Variants in RAD51B observed in about 807,000 individuals in gnomAD.
RAD51B encodes DNA repair protein RAD51 homolog 2.
RAD51B carries 38 observed loss-of-function variants against 42.2 expected under a neutral mutation model. That is an observed-to-expected ratio of 0.90 (90% CI 0.70 to 1.18). The LOEUF is 1.18. RAD51B is among the 50% of genes most tolerant of loss of function. The pLI, the probability that RAD51B is intolerant of heterozygous loss-of-function variation, is 0.00. For synonymous variants in RAD51B, 154 were observed against 145.2 expected (o/e 1.06, Z -0.43); for missense variants, 373 against 400.7 (o/e 0.93, Z 0.59).
rs976345017 is a variant in RAD51B at position 68,348,637 on chromosome 14, C to A, written c.853+56657C>A. Among the ~76,000 whole-genome samples, 4 of 152,316 alleles carry A rather than the reference C, an allele frequency of 2.6e-5. No homozygotes were observed. In the South Asian group the frequency reaches 8.3e-4, roughly 32 times the overall value. On this transcript the variant is annotated intron_variant, in intron 8 of 10. Transcript: ENST00000471583. Reference sequence around the variant, plus strand: ...TTGTCTCGCCTGGCGCGGTGGCTCACGCCTGTAATCCCAGCACTTTGGGAG... The same window carrying A: ...TTGTCTCGCCTGGCGCGGTGGCTCAAGCCTGTAATCCCAGCACTTTGGGAG...
At chr14:68,115,552 A>C (rs1345171087) in intron 7 of RAD51B, among the ~76,000 whole-genome samples, 1 of 151,190 alleles carries the variant, frequency 6.6e-6, no homozygotes, top group African/African-American at 2.4e-5. Context: ...TAAAAAAAAA[A>C]AAAAAAAAAG....
At chr14:67,860,860 G>T (rs888050324) in intron 4 of RAD51B, among the ~76,000 whole-genome samples, 1 of 152,186 alleles carries the variant, frequency 6.6e-6, no homozygotes, top group Non-Finnish European at 1.5e-5. Context: ...TGCAAAGAGA[G>T]TATTTCAGTA....
rs182076866 is a variant in RAD51B, at chr14:68,353,892, G to C, written c.854-57532G>C. 9.9e-5 allele frequency among the ~76,000 whole-genome samples: 15 copies of C among 152,284 alleles called. No individual in the cohort carries two copies. In the East Asian group the frequency reaches 2.7e-3, roughly 27 times the overall value. On this transcript the variant is annotated intron_variant, in intron 8 of 10. Coordinates refer to ENST00000471583, the MANE Select transcript of RAD51B (RefSeq NM_133510.4). Reference sequence around the variant, plus strand: ...ATTCTGAGCAGTTCAGGCCTTCCACGTGGTGGAACTGTGTGGGGTACCCTC... The same window carrying C: ...ATTCTGAGCAGTTCAGGCCTTCCACCTGGTGGAACTGTGTGGGGTACCCTC...
intron 10 of RAD51B, chr14:68,627,093 G>A (rs1892101528): frequency 6.6e-6 from 1 of 152,198 alleles, no homozygotes; most frequent in Non-Finnish European, 1.5e-5. Context: ...GAATGCGGAA[G>A]AGAGTGGAAA....
intron 7 of RAD51B, among the ~76,000 whole-genome samples, chr14:68,289,698 A>T: frequency 6.6e-6 from 1 of 151,518 alleles, no homozygotes. Context: ...TGGGCAACAG[A>T]GTGAGATCCT....
intron 10 of RAD51B, among the ~76,000 whole-genome samples, chr14:68,537,463 T>C (rs1023393648): frequency 5.3e-5 from 8 of 149,752 alleles, no homozygotes; most frequent in South Asian, 2.1e-4. Flanking sequence ...CGCGCCACTG[T>C]ACTCCAGCCT....
intron 9 of RAD51B, among the ~76,000 whole-genome samples, chr14:68,431,011 T>C (rs2084989905): frequency 6.6e-6 from 1 of 152,216 alleles, no homozygotes; most frequent in Non-Finnish European, 1.5e-5. Context: ...GATATAATCA[T>C]GTGGTTTTTG....
chr14:68,120,695 A>G (rs1253599499), intron 7 of RAD51B, among the ~76,000 whole-genome samples: 1 of 152,014 alleles, frequency 6.6e-6, no homozygotes, highest in Non-Finnish European at 1.5e-5. Flanking sequence ...GGAAGTCTCA[A>G]CTTTAAGTAA....
At chr14:68,149,948 C>CTT (rs879336611) in intron 7 of RAD51B, 28 of 145,912 alleles carry the variant, frequency 1.9e-4, no homozygotes, top group African/African-American at 6.7e-4. Context: ...AAGTTGAAGA[C>CTT]TTTTTTTTTT....
intron 9 of RAD51B, among the ~76,000 whole-genome samples, chr14:68,427,329 C>T (rs2140124570): frequency 6.6e-6 from 1 of 152,310 alleles, no homozygotes; most frequent in South Asian, 2.1e-4. Context: ...TGTGCAGCCC[C>T]AGCCTCGGAC....
In RAD51B at chr14:68,370,816, G is replaced by A. The variant is rs767461708; in HGVS notation, c.854-40608G>A. On this transcript the variant is annotated intron_variant, in intron 8 of 10. Coordinates refer to ENST00000471583, the MANE Select transcript of RAD51B (RefSeq NM_133510.4). ...TCCCAGCACTTTGGGAGGCTGAGGC[G>A]AGCAGATCACGAGGTCAGGAGTTCG... 2.0e-4 allele frequency among the ~76,000 whole-genome samples: 30 copies of A among 150,122 alleles called. No individual in the cohort carries two copies. In the Middle Eastern group the frequency reaches 0.014, roughly 70 times the overall value.
intron 8 of RAD51B, among the ~76,000 whole-genome samples, chr14:68,323,939 A>G (rs138166615): frequency 6.6e-6 from 1 of 152,342 alleles, no homozygotes; most frequent in East Asian, 1.9e-4. Context: ...GAAAGAGCCC[A>G]GCGGACCTGT....
chr14:68,162,055 G>GT (rs1195786007), intron 7 of RAD51B, among the ~76,000 whole-genome samples: 3 of 152,154 alleles, frequency 2.0e-5, no homozygotes, highest in Non-Finnish European at 4.4e-5. Flanking sequence ...TAGTGGTAAG[G>GT]TTAAGAAACC....
chr14:68,252,500 CAT>C (rs2080656758), intron 7 of RAD51B, among the ~76,000 whole-genome samples: 1 of 152,224 alleles, frequency 6.6e-6, no homozygotes, highest in Non-Finnish European at 1.5e-5. Flanking sequence ...CTCATACACA[CAT>C]GTATGTGCAC....
intron 10 of RAD51B, among the ~76,000 whole-genome samples, chr14:68,592,354 G>A (rs970883990): frequency 2.0e-5 from 3 of 151,914 alleles, no homozygotes; most frequent in Non-Finnish European, 2.9e-5. Flanking sequence ...TGTTGTAAGC[G>A]TATGCACCCC....
chr14:67,880,966 A>G (rs2042887522), intron 5 of RAD51B, among the ~76,000 whole-genome samples: 1 of 152,202 alleles, frequency 6.6e-6, no homozygotes. Context: ...TTGTTGTATG[A>G]ACACCCTACA....
chr14:68,424,492 C>A (rs936479179), intron 9 of RAD51B, among the ~76,000 whole-genome samples: 1 of 152,192 alleles, frequency 6.6e-6, no homozygotes, highest in Non-Finnish European at 1.5e-5. Context: ...AAGCTGTTCT[C>A]TCTTATTTGT....
At chr14:68,600,350 T>C (rs1371804736), downstream of RAD51B, among the ~76,000 whole-genome samples, 1 of 152,216 alleles carries the variant, frequency 6.6e-6, no homozygotes, top group Non-Finnish European at 1.5e-5. Context: ...AACTCTGGCA[T>C]TGGGCCAGCA....
intron 7 of RAD51B, among the ~76,000 whole-genome samples, chr14:67,892,264 T>C (rs1230609418): frequency 6.6e-6 from 1 of 152,168 alleles, no homozygotes; most frequent in Non-Finnish European, 1.5e-5. Flanking sequence ...CCTTTATCAG[T>C]TAGTGAAAAT....
Sources: gnomAD v4.1 joint callset for allele counts (sites outside exome capture counted in the v4.1 genomes callset) on GRCh38, gnomAD v4.1.1 for gene constraint, MANE v1.5 for transcripts, NCBI Gene and HGNC (gene_info 2026-07-23, HGNC 2026-07-21) for gene names.